Variants in EML5 observed in about 807,000 individuals in gnomAD.
EML5 encodes the protein echinoderm microtubule-associated protein-like 5.
EML5 carries 120 observed loss-of-function variants against 250.0 expected under a neutral mutation model. That is an observed-to-expected ratio of 0.48 (90% CI 0.41 to 0.56). EML5 has a LOEUF of 0.56. Among genes scored for constraint, EML5 ranks in the 20% least tolerant of loss-of-function variants. EML5 has a pLI of 0.00. For missense variants in EML5, 2,006 were observed against 2,437.6 expected (o/e 0.82, Z 3.73); for synonymous variants, 771 against 806.5 (o/e 0.96, Z 0.75).
At position 88,729,568 on chromosome 14, in the gene EML5, T is replaced by TG. The variant is rs201667400; in HGVS notation, c.1050-2891_1050-2890insC. 2.8e-3 allele frequency among the ~76,000 whole-genome samples: 421 copies of TG among 151,726 alleles called. 5 individuals carry two copies. The highest frequency in any genetic ancestry group is 0.028 in the South Asian group (133 of 4,808). On this transcript the variant is annotated intron_variant, in intron 7 of 43. Transcript: ENST00000554922. ...GCATATACTTATTTGGTTTTTTGTT[T>TG]TTTGTTTTTTTGAGACAGAGTCTCA...
intron 1 of EML5, among the ~76,000 whole-genome samples, chr14:88,757,233 T>C (rs1766171079): frequency 6.6e-6 from 1 of 152,130 alleles, no homozygotes; most frequent in Admixed American, 6.6e-5. Context: ...GATAAAATGG[T>C]CATTTCAACA....
At chr14:88,732,036 GTTT>G (rs1409823568) in intron 7 of EML5, among the ~76,000 whole-genome samples, 1 of 152,134 alleles carries the variant, frequency 6.6e-6, no homozygotes, top group Non-Finnish European at 1.5e-5. Flanking sequence ...TCTGATGGTA[GTTT>G]CTTTTGCTGT....
rs2087183840 is a variant in EML5, at chr14:88,613,807, A to T, written c.*2011T>A. ...ACACAATCAGGAGCTTAGATACTGC[A>T]CACAAAAATAATTATCTGGGTTAAA... On this transcript the variant is annotated 3_prime_UTR_variant, in exon 44 of 44. Coordinates refer to ENST00000554922, the MANE Select transcript of EML5 (RefSeq NM_183387.3). 1 of 152,224 alleles carries T rather than the reference A, an allele frequency of 6.6e-6. No individual in the cohort carries two copies. Among genetic ancestry groups the T allele is most frequent in the African/African-American group, 2.4e-5 (1 of 41,464 alleles). 9.4% of individuals were successfully genotyped at this position (152,224 alleles called of 1,614,324 possible). A position where few individuals can be genotyped will look rare whatever the true frequency, so the allele number is the denominator to read the frequency against.
At chr14:88,779,722 GT>G (rs1301147066) in intron 1 of EML5, among the ~76,000 whole-genome samples, 1 of 152,118 alleles carries the variant, frequency 6.6e-6, no homozygotes, top group Non-Finnish European at 1.5e-5. Context: ...TTAATCCTTA[GT>G]TTTTATCTTG....
intron 10 of EML5, among the ~76,000 whole-genome samples, 176 bp from the exon 11 acceptor site, chr14:88,706,602 T>C (rs920034380): frequency 3.9e-5 from 6 of 152,112 alleles, no homozygotes; most frequent in African/African-American, 1.4e-4. Flanking sequence ...AATGCAAATA[T>C]CTCCTCTGCT....
intron 2 of EML5, among the ~76,000 whole-genome samples, chr14:88,752,014 CT>C (rs1481131676): frequency 6.6e-6 from 1 of 152,154 alleles, no homozygotes; most frequent in African/African-American, 2.4e-5. Flanking sequence ...ATACCTGGCA[CT>C]TGGTATATGC....
chr14:88,664,954 C>T (rs1363413349), intron 22 of EML5, among the ~76,000 whole-genome samples: 1 of 152,108 alleles, frequency 6.6e-6, no homozygotes, highest in Non-Finnish European at 1.5e-5. Flanking sequence ...TTTGCCTTAA[C>T]ATTAGTAATT....
intron 1 of EML5, among the ~76,000 whole-genome samples, chr14:88,755,954 T>C (rs2094153314): frequency 1.3e-5 from 2 of 152,316 alleles, no homozygotes; most frequent in Admixed American, 1.3e-4. Context: ...AGTTCAAGGC[T>C]GCAATGAGCT....
intron 3 of EML5, among the ~76,000 whole-genome samples, chr14:88,745,621 A>G (rs1215648498): frequency 6.6e-6 from 1 of 152,190 alleles, no homozygotes. Flanking sequence ...GTGGTAAACC[A>G]AACTAAACAG....
At chr14:88,774,128 A>AAAAACAG (rs1566787176) in intron 1 of EML5, among the ~76,000 whole-genome samples, 2 of 152,202 alleles carry the variant, frequency 1.3e-5, no homozygotes, top group Non-Finnish European at 2.9e-5. Context: ...CAAAAAAGCA[A>AAAAACAG]AAAACAGAAA....
At position 88,665,318 on chromosome 14, in the gene EML5, C is replaced by T; in HGVS notation, c.3277+19G>A. The T allele has an allele frequency of 6.3e-7, 1 of 1,599,248 alleles. No individual in the cohort carries two copies. Among genetic ancestry groups the T allele is most frequent in the Non-Finnish European group, 8.5e-7 (1 of 1,172,742 alleles). On this transcript the variant is annotated intron_variant, in intron 22 of 43. Coordinates refer to ENST00000554922, the MANE Select transcript of EML5 (RefSeq NM_183387.3). ...CCAGACCCAAGTTAATACTCAAATA[C>T]AATTTCAATGGATCTTACCAGGTGA...
intron 1 of EML5, among the ~76,000 whole-genome samples, chr14:88,791,394 G>C (rs977955551): frequency 6.6e-6 from 1 of 152,122 alleles, no homozygotes; most frequent in African/African-American, 2.4e-5. Flanking sequence ...ATTTTCCTCT[G>C]TAAAGGACAA....
chr14:88,665,537 A>G lies in EML5; in HGVS notation c.3125-48T>C, dbSNP rs767390454. The G allele has an allele frequency of 1.7e-5, 27 of 1,611,002 alleles. No homozygotes were observed. In the Admixed American group the frequency reaches 4.5e-4, roughly 27 times the overall value. ...GGCAATTTTCCCTTTTTTCTAATTT[A>G]AAGTATGGGCCAGGTGTGGTGGCTC... On this transcript the variant is annotated intron_variant, in intron 21 of 43. Transcript: ENST00000554922.
intron 1 of EML5, among the ~76,000 whole-genome samples, chr14:88,772,007 C>A (rs947328050): frequency 2.0e-5 from 3 of 152,198 alleles, no homozygotes; most frequent in African/African-American, 7.2e-5. Context: ...TCTAGGTCAG[C>A]ACAATGGATA....
In EML5 at chr14:88,726,682, T is replaced by C. The variant is rs377613436; in HGVS notation, c.1050-4A>G. On this transcript the variant is annotated splice_region_variant and splice_polypyrimidine_tract_variant and intron_variant, in intron 7 of 43. Transcript: ENST00000554922. ...ATGATCTACTAGGCTCCATATCCTG[T>C]AAAATTTAATTTAAAAAATAAAAAA... 10 of 1,522,330 alleles carry C rather than the reference T, an allele frequency of 6.6e-6. No individual in the cohort carries two copies. The highest frequency in any genetic ancestry group is 8.8e-6 in the Non-Finnish European group (10 of 1,135,288). The allele number at this position is 1,522,330 out of a possible 1,614,324, so 94.3% of individuals were successfully genotyped here.
At chr14:88,687,190 A>G (rs1380323484) in intron 19 of EML5, 26 bp downstream of exon 19, 6 of 1,554,780 alleles carry the variant, frequency 3.9e-6, no homozygotes, top group Middle Eastern at 1.7e-4. Flanking sequence ...TTTCCTATAC[A>G]AAAACCCCAC....
chr14:88,709,792 T>A (rs900078309), intron 10 of EML5, among the ~76,000 whole-genome samples: 1 of 152,162 alleles, frequency 6.6e-6, no homozygotes, highest in Non-Finnish European at 1.5e-5. Context: ...AATAAATGCA[T>A]GAATTGCAGC....
Position 88,622,630 on chromosome 14 carries a change from A to C in EML5, c.4987T>G (p.Cys1663Gly). Reference sequence around the variant, plus strand: ...TTGCCTCTGCACACAGAACGAACACAATCTGTGGCTTGTCCTGTCTCAAGC... The same window carrying C: ...TTGCCTCTGCACACAGAACGAACACCATCTGTGGCTTGTCCTGTCTCAAGC... ...FRLETGQATDCVRSVCRGKGK... is the reference protein window; with the variant it reads ...FRLETGQATDGVRSVCRGKGK... Residue 1663 changes from cysteine (C) to glycine (G), a missense_variant, in exon 37 of 44, where the codon TGT becomes GGT. Around this residue, in one of 7 missense-constraint regions of EML5, gnomAD observed 405 missense variants for 523.3 expected, o/e 0.77. Coordinates refer to ENST00000554922, the MANE Select transcript of EML5 (RefSeq NM_183387.3). 1.2e-6 allele frequency: 2 copies of C among 1,609,754 alleles called. No individual in the cohort carries two copies. The highest frequency in any genetic ancestry group is 1.7e-6 in the Non-Finnish European group (2 of 1,177,806).
intron 17 of EML5, among the ~76,000 whole-genome samples, chr14:88,689,320 T>C (rs1418636066): frequency 1.4e-5 from 2 of 146,634 alleles, no homozygotes; most frequent in Non-Finnish European, 1.5e-5. Flanking sequence ...TTTTCCGAAG[T>C]TTATATACCA....
Sources: gnomAD v4.1 joint callset for allele counts (sites outside exome capture counted in the v4.1 genomes callset) on GRCh38, gnomAD v4.1.1 for gene constraint, gnomAD v4.1.1 regional missense constraint, MANE v1.5 for transcripts, NCBI Gene and HGNC (gene_info 2026-07-23, HGNC 2026-07-21) for gene names.